The following NR3C2 variants were observed in gnomAD, a reference collection of about 807,000 sequenced individuals.
NR3C2 encodes the protein nuclear receptor subfamily 3 group C member 2, also known as mineralocorticoid receptor.
A neutral mutation model predicts 86.4 loss-of-function variants in NR3C2; 15 were observed. That is an observed-to-expected ratio of 0.17 (90% CI 0.12 to 0.27). The LOEUF (loss-of-function observed/expected upper bound fraction) is 0.27, where lower values mean the gene tolerates loss of function less well. Ranked by LOEUF, NR3C2 falls within the 10% of genes least tolerant of loss-of-function variation. The pLI, the probability that NR3C2 is intolerant of heterozygous loss-of-function variation, is 1.00. For synonymous variants in NR3C2, 458 were observed against 450.5 expected (o/e 1.02, Z -0.21); for missense variants, 960 against 1,195.6 (o/e 0.80, Z 2.91).
intron 2 of NR3C2, among the ~76,000 whole-genome samples, chr4:148,401,714 T>C (rs1748177117): frequency 6.6e-6 from 1 of 152,068 alleles, no homozygotes. Context: ...TGCTCATCTC[T>C]GCCTCCCAAA....
At chr4:148,112,471 TA>T (rs1210288249) in intron 8 of NR3C2, among the ~76,000 whole-genome samples, 3 of 152,220 alleles carry the variant, frequency 2.0e-5, no homozygotes, top group Non-Finnish European at 4.4e-5. Context: ...GGTTTCAACA[TA>T]AAAGGAGTGG....
At chr4:148,444,399 C>T, upstream of NR3C2, 1 of 986,462 alleles carries the variant, frequency 1.0e-6, no homozygotes, top group African/African-American at 1.7e-5. Flanking sequence ...CTGCCCGCAT[C>T]CCACCTCCGC....
At chr4:148,349,613 T>C (rs989039832) in intron 2 of NR3C2, among the ~76,000 whole-genome samples, 1 of 147,302 alleles carries the variant, frequency 6.8e-6, no homozygotes, top group Non-Finnish European at 1.5e-5. Context: ...GAGAATTCTC[T>C]CCTTTCTGCA....
At chr4:148,149,990 G>A (rs1305362074) in intron 6 of NR3C2, among the ~76,000 whole-genome samples, 1 of 151,932 alleles carries the variant, frequency 6.6e-6, no homozygotes, top group African/African-American at 2.4e-5. Context: ...AGAGTGTGGT[G>A]TCTCCTTAAA....
intron 2 of NR3C2, among the ~76,000 whole-genome samples, chr4:148,378,717 C>T (rs1247985517): frequency 6.6e-6 from 1 of 152,186 alleles, no homozygotes; most frequent in East Asian, 1.9e-4. Flanking sequence ...TGGGCAAATG[C>T]TGTCATGCTT....
At position 148,386,885 on chromosome 4, in the gene NR3C2, C is replaced by T. The variant is rs184236900; in HGVS notation, c.1757+48219G>A. ...CATGCCCTCTTCCTGGACTTCATCT[C>T]GGCCTCTCTACTCCGCAGTCTCTGG... On this transcript the variant is annotated intron_variant, in intron 2 of 8. Coordinates refer to ENST00000358102, the MANE Select transcript of NR3C2 (RefSeq NM_000901.5). 1.1e-4 allele frequency among the ~76,000 whole-genome samples: 16 copies of T among 152,244 alleles called. No individual in the cohort carries two copies. In the East Asian group the frequency reaches 1.2e-3, roughly 11 times the overall value.
chr4:148,241,704 T>C (rs1232648499), intron 3 of NR3C2, among the ~76,000 whole-genome samples: 4 of 152,222 alleles, frequency 2.6e-5, no homozygotes, highest in Non-Finnish European at 5.9e-5. Flanking sequence ...ATTGTCTGTC[T>C]TCCTCACTAG....
At chr4:148,195,788 A>T (rs1736413481) in intron 3 of NR3C2, among the ~76,000 whole-genome samples, 1 of 152,154 alleles carries the variant, frequency 6.6e-6, no homozygotes, top group African/African-American at 2.4e-5. Context: ...ATGTTCTAGG[A>T]ACAGCAGGGA....
chr4:148,094,919 A>G (rs1731215759), intron 8 of NR3C2, among the ~76,000 whole-genome samples: 1 of 152,122 alleles, frequency 6.6e-6, no homozygotes, highest in Non-Finnish European at 1.5e-5. Flanking sequence ...CCTCAAAAAC[A>G]TTAACTAAGT....
chr4:148,438,725 A>G (rs1052163727), intron 1 of NR3C2, among the ~76,000 whole-genome samples: 4 of 152,230 alleles, frequency 2.6e-5, no homozygotes, highest in Admixed American at 2.0e-4. Context: ...ATAAATTTGC[A>G]TTAGATAGCA....
At chr4:148,182,677 C>G (rs1232166965) in intron 4 of NR3C2, among the ~76,000 whole-genome samples, 1 of 152,210 alleles carries the variant, frequency 6.6e-6, no homozygotes. Flanking sequence ...ACACTTGTAC[C>G]ATGGCTGTTT....
chr4:148,341,981 G>A (rs973586464), intron 2 of NR3C2, among the ~76,000 whole-genome samples: 3 of 151,996 alleles, frequency 2.0e-5, no homozygotes, highest in African/African-American at 4.8e-5. Context: ...AAAATATTAC[G>A]GTCACAACTT....
intron 2 of NR3C2, among the ~76,000 whole-genome samples, chr4:148,278,610 A>T (rs961927086): frequency 1.3e-5 from 2 of 152,012 alleles, no homozygotes; most frequent in African/African-American, 4.8e-5. Flanking sequence ...CCCATTTTTA[A>T]GTTTTGGATA....
intron 8 of NR3C2, among the ~76,000 whole-genome samples, chr4:148,098,580 G>A (rs188255663): frequency 6.6e-6 from 1 of 152,302 alleles, no homozygotes; most frequent in Admixed American, 6.5e-5. Flanking sequence ...CCAGGAACAT[G>A]CACATTGGTG....
intron 4 of NR3C2, among the ~76,000 whole-genome samples, chr4:148,164,327 C>T (rs982019289): frequency 2.0e-5 from 3 of 152,142 alleles, no homozygotes; most frequent in Non-Finnish European, 4.4e-5. Flanking sequence ...TAAGGAAAGA[C>T]CCTACTACTT....
At chr4:148,387,467 A>G (rs139799688) in intron 2 of NR3C2, among the ~76,000 whole-genome samples, 64 of 152,324 alleles carry the variant, frequency 4.2e-4, no homozygotes, top group Admixed American at 3.7e-3. Context: ...TTTTATGGAT[A>G]TATCACATGT....
chr4:148,081,457 C>T lies in NR3C2; in HGVS notation c.2842G>A (p.Glu948Lys), dbSNP rs1281816539. The change falls in exon 9 of 9, where the codon GAG (glutamate) becomes AAG (lysine). Residue 948 changes from glutamate (E) to lysine (K), a missense_variant. Glu to Lys is a moderately conservative substitution (Grantham distance 56). Around this residue, in one of 4 missense-constraint regions of NR3C2, gnomAD observed 151 missense variants for 296.3 expected, o/e 0.51. Transcript: ENST00000358102. ...LLEFCFYTFR[E>K]SHALKVEFPA... ...AACTCTACCTTCAGCGCATGGGACT[C>T]TCGGAAGGTGTAGAAGCAGAATTCC... The T allele has an allele frequency of 1.9e-6, 3 of 1,614,100 alleles. No homozygotes were observed. The Admixed American group carries it at 5.0e-5, about 27-fold the overall frequency.
At chr4:148,091,704 A>T (rs903497522) in intron 8 of NR3C2, among the ~76,000 whole-genome samples, 1 of 152,250 alleles carries the variant, frequency 6.6e-6, no homozygotes, top group Non-Finnish European at 1.5e-5. Context: ...AGGAATATGC[A>T]GACTTGGCCC....
At chr4:148,321,453 G>T (rs1440037703) in intron 2 of NR3C2, among the ~76,000 whole-genome samples, 1 of 151,192 alleles carries the variant, frequency 6.6e-6, no homozygotes, top group African/African-American at 2.4e-5. Context: ...CTGTCTCTTT[G>T]ATCCGTCTAA....
Sources: gnomAD v4.1 joint callset for allele counts (sites outside exome capture counted in the v4.1 genomes callset) on GRCh38, gnomAD v4.1.1 for gene constraint, gnomAD v4.1.1 regional missense constraint, MANE v1.5 for transcripts, NCBI Gene and HGNC (gene_info 2026-07-23, HGNC 2026-07-21) for gene names.